Variants in SMARCA2 observed in about 807,000 individuals in gnomAD.
SMARCA2 encodes the protein SWI/SNF related BAF chromatin remodeling complex subunit ATPase 2, also known as SWI/SNF-related matrix-associated actin-dependent regulator of chromatin subfamily A member 2.
Under a neutral mutation model 199.8 loss-of-function variants are expected in SMARCA2, and 61 were observed. That is an observed-to-expected ratio of 0.31 (90% confidence interval 0.25 to 0.38). The LOEUF (loss-of-function observed/expected upper bound fraction) is 0.38. SMARCA2 is among the 10% of genes least tolerant of loss of function. The pLI is 1.00. For missense variants in SMARCA2, 1,344 were observed against 2,012.2 expected, an observed-to-expected ratio of 0.67 and a Z score of 6.35; for synonymous variants, 935 against 732.0, an observed-to-expected ratio of 1.28 and a Z score of -4.48.
chr9:2,141,888 C>T (rs1019286819), intron 27 of SMARCA2, among the ~76,000 whole-genome samples: 1 of 152,130 alleles, frequency 6.6e-6, no homozygotes, highest in African/African-American at 2.4e-5. Context: ...TGAAAAGGTG[C>T]AGGAGCGCGT....
intron 27 of SMARCA2, among the ~76,000 whole-genome samples, chr9:2,129,447 A>G (rs1823843380): frequency 6.6e-6 from 1 of 152,096 alleles, no homozygotes; most frequent in Non-Finnish European, 1.5e-5. Flanking sequence ...AATGAATGGA[A>G]GCACAGCATG....
At chr9:2,079,845 G>A (rs1821488284) in intron 14 of SMARCA2, 2 of 152,210 alleles carry the variant, frequency 1.3e-5, no homozygotes, top group Non-Finnish European at 2.9e-5. Flanking sequence ...TGCCACATGG[G>A]TTTTCTTCTG....
intron 4 of SMARCA2, chr9:2,044,402 T>G (rs1475574921): frequency 6.6e-6 from 1 of 152,202 alleles, no homozygotes; most frequent in Non-Finnish European, 1.5e-5. Context: ...ACTTAGAAAT[T>G]GCTATAGAAA....
chr9:2,142,819 T>C (rs2130691759), intron 27 of SMARCA2, among the ~76,000 whole-genome samples: 1 of 152,218 alleles, frequency 6.6e-6, no homozygotes, highest in African/African-American at 2.4e-5. Context: ...TCCAAGCCAG[T>C]TGTTAGAACG....
At chr9:2,022,647 T>C (rs1192782859) in intron 1 of SMARCA2, among the ~76,000 whole-genome samples, 1 of 152,246 alleles carries the variant, frequency 6.6e-6, no homozygotes, top group Non-Finnish European at 1.5e-5. Flanking sequence ...AAAGTATGTA[T>C]TTCAGACTCT....
rs533329482 is a variant in SMARCA2 at position 2,104,817 on chromosome 9, G to A, written c.3292+648G>A. On this transcript the variant is annotated intron_variant, in intron 23 of 33. Coordinates refer to ENST00000349721, the MANE Select transcript of SMARCA2 (RefSeq NM_003070.5). This position sits in a 1 kb window ranked among gnomAD's most constrained non-coding sequence, Gnocchi z 4.0. ...AGGGATAATCCCTAAATTATTTTACGATTTGGATATCAGCCATAATATATT... is the reference window on the plus strand; with the variant it reads ...AGGGATAATCCCTAAATTATTTTACAATTTGGATATCAGCCATAATATATT... 2.4e-4 allele frequency among the ~76,000 whole-genome samples: 37 copies of A among 152,206 alleles called. No individual in the cohort carries two copies. The South Asian group carries it at 3.1e-3, about 13-fold the overall frequency.
At chr9:2,182,542 G>T (rs1827120545) in intron 31 of SMARCA2, among the ~76,000 whole-genome samples, 1 of 133,866 alleles carries the variant, frequency 7.5e-6, no homozygotes, top group African/African-American at 2.8e-5. Flanking sequence ...CTCCCAGGCT[G>T]GAGTGCAGTG....
chr9:2,163,526 G>A (rs1299505627), intron 28 of SMARCA2, among the ~76,000 whole-genome samples: 1 of 152,136 alleles, frequency 6.6e-6, no homozygotes, highest in Non-Finnish European at 1.5e-5. Flanking sequence ...CCACAGAAAG[G>A]GACAGTATTC....
chr9:2,117,932 G>C (rs781268405), intron 25 of SMARCA2, among the ~76,000 whole-genome samples: 3 of 152,224 alleles, frequency 2.0e-5, no homozygotes, highest in African/African-American at 7.2e-5. Context: ...TGAAAGATCA[G>C]GACAACATAG....
At chr9:2,160,061 C>T in intron 27 of SMARCA2, 1 of 935,018 alleles carries the variant, frequency 1.1e-6, no homozygotes, top group Non-Finnish European at 1.6e-6. Flanking sequence ...TGTTGACAGC[C>T]TTGCATGCTG....
chr9:2,148,103 G>T (rs1824860645), intron 27 of SMARCA2, among the ~76,000 whole-genome samples: 1 of 151,716 alleles, frequency 6.6e-6, no homozygotes, highest in Admixed American at 6.6e-5. Context: ...TGTTGCTGCT[G>T]CTGTTTTTAA....
chr9:2,127,054 C>T (rs1221091071), intron 27 of SMARCA2, among the ~76,000 whole-genome samples: 2 of 152,198 alleles, frequency 1.3e-5, no homozygotes, highest in Non-Finnish European at 2.9e-5. Context: ...TTCTACCTTC[C>T]TCTTTCTCTT....
At chr9:2,181,258 T>A (rs1827002956) in intron 29 of SMARCA2, 1 of 209,258 alleles carries the variant, frequency 4.8e-6, no homozygotes, top group African/African-American at 2.4e-5. Flanking sequence ...AATTTTTAGC[T>A]AACAAGGATA....
At chr9:2,177,375 A>G (rs1042710856) in intron 29 of SMARCA2, among the ~76,000 whole-genome samples, 22 of 152,106 alleles carry the variant, frequency 1.4e-4, no homozygotes, top group African/African-American at 3.1e-4. Flanking sequence ...AATATAAACA[A>G]TTTATTTCAG....
rs764904154 is a variant in SMARCA2 at position 2,039,293 on chromosome 9, T to C, written c.356-173T>C. ...GAAAATTTTAAATTTTACATATATA[T>C]AAAGCACATATTGATATGTAAAGAT... On this transcript the variant is annotated intron_variant, in intron 3 of 33. Transcript: ENST00000349721. The surrounding 1 kb of genome is among the most constrained non-coding windows in gnomAD (Gnocchi z 4.8). Among the ~76,000 whole-genome samples, 15 of 151,956 alleles carry C rather than the reference T, an allele frequency of 9.9e-5. No homozygotes were observed. Among genetic ancestry groups the C allele is most frequent in the Non-Finnish European group, 2.2e-4 (15 of 67,986 alleles).
At position 2,104,967 on chromosome 9, in the gene SMARCA2, G is replaced by A. The variant is rs758099769; in HGVS notation, c.3292+798G>A. 1.3e-5 allele frequency among the ~76,000 whole-genome samples: 2 copies of A among 152,118 alleles called. No individual in the cohort carries two copies. The highest frequency in any genetic ancestry group is 2.9e-5 in the Non-Finnish European group (2 of 68,004). ...CTATTTAATCCCTGGGTAGAAAAGAGGATACTGCTAATACCAGTATTTATC... is the reference window on the plus strand; with the variant it reads ...CTATTTAATCCCTGGGTAGAAAAGAAGATACTGCTAATACCAGTATTTATC... On this transcript the variant is annotated intron_variant, in intron 23 of 33. Transcript: ENST00000349721. This position sits in a 1 kb window ranked among gnomAD's most constrained non-coding sequence, Gnocchi z 4.0.
chr9:2,133,479 C>T (rs1471602150), intron 27 of SMARCA2, among the ~76,000 whole-genome samples: 1 of 151,870 alleles, frequency 6.6e-6, no homozygotes, highest in Non-Finnish European at 1.5e-5. Context: ...GACAGGATGT[C>T]ACTCAATTGC....
intron 14 of SMARCA2, among the ~76,000 whole-genome samples, chr9:2,079,313 C>T (rs548441737): frequency 6.6e-6 from 1 of 152,140 alleles, no homozygotes; most frequent in African/African-American, 2.4e-5. Flanking sequence ...TTTATATCAC[C>T]AATTAACATC....
chr9:2,155,438 A>G (rs1419503630), intron 27 of SMARCA2, among the ~76,000 whole-genome samples: 2 of 151,972 alleles, frequency 1.3e-5, no homozygotes, highest in Non-Finnish European at 2.9e-5. Flanking sequence ...ACGTGCCACC[A>G]CACCTGGCTA....
Sources: gnomAD v4.1 joint callset for allele counts (sites outside exome capture counted in the v4.1 genomes callset) on GRCh38, gnomAD v4.1.1 for gene constraint, Gnocchi (gnomAD v3.1) non-coding constraint, MANE v1.5 for transcripts, NCBI Gene and HGNC (gene_info 2026-07-23, HGNC 2026-07-21) for gene names.